LARGE1: variants seen among roughly 807,000 people sequenced by gnomAD.
The protein encoded by LARGE1 is LARGE xylosyl- and glucuronyltransferase 1.
Under a neutral mutation model 87.6 loss-of-function variants are expected in LARGE1, and 43 were observed. The observed-to-expected ratio is 0.49, with a 90% CI of 0.38 to 0.63. The LOEUF (loss-of-function observed/expected upper bound fraction) is 0.63, where lower values mean the gene tolerates loss of function less well. Among genes scored for constraint, LARGE1 ranks in the 30% least tolerant of loss-of-function variants. The probability of loss-of-function intolerance (pLI) is 0.00; values close to 1 mark genes in which losing one functional copy is unlikely to be tolerated. For synonymous variants in LARGE1, 434 were observed against 394.6 expected (o/e 1.10, Z -1.18); for missense variants, 802 against 1,000.2 (o/e 0.80, Z 2.67).
At chr22:33,905,807 T>C (rs531761893) in intron 1 of LARGE1, among the ~76,000 whole-genome samples, 1 of 152,174 alleles carries the variant, frequency 6.6e-6, no homozygotes, top group Non-Finnish European at 1.5e-5. Flanking sequence ...TAAGACTAGT[T>C]CTGGCTAAGA....
intron 5 of LARGE1, among the ~76,000 whole-genome samples, chr22:33,595,207 T>C (rs2078945528): frequency 6.6e-6 from 1 of 152,124 alleles, no homozygotes; most frequent in South Asian, 2.1e-4. Context: ...TATATATTTA[T>C]GGGGTACAAG....
At chr22:33,901,349 T>C (rs2065277982) in intron 1 of LARGE1, among the ~76,000 whole-genome samples, 1 of 152,160 alleles carries the variant, frequency 6.6e-6, no homozygotes, top group Non-Finnish European at 1.5e-5. Context: ...ACGTGGTACA[T>C]TGTTACGGCT....
chr22:33,084,222 C>G, the LARGE1 span, among the ~76,000 whole-genome samples: 1 of 152,192 alleles, frequency 6.6e-6, no homozygotes, highest in Non-Finnish European at 1.5e-5. Flanking sequence ...TAGGTACACT[C>G]TCTGATACTT....
the LARGE1 span, among the ~76,000 whole-genome samples, chr22:33,136,114 C>A: frequency 6.6e-6 from 1 of 152,116 alleles, no homozygotes; most frequent in Non-Finnish European, 1.5e-5. Flanking sequence ...GACAATAGGA[C>A]AGAAGGACAG....
intron 7 of LARGE1, among the ~76,000 whole-genome samples, chr22:33,405,316 C>G (rs2066058879): frequency 6.6e-6 from 1 of 152,202 alleles, no homozygotes. Flanking sequence ...CTCCTTCCAG[C>G]CTCCCACCTG....
intron 11 of LARGE1, among the ~76,000 whole-genome samples, chr22:33,256,489 T>A (rs1927275281): frequency 6.6e-6 from 1 of 152,228 alleles, no homozygotes; most frequent in Non-Finnish European, 1.5e-5. Flanking sequence ...AAAATGGGGA[T>A]AATTAATCTC....
At chr22:33,734,095 G>A (rs2083566792) in intron 2 of LARGE1, among the ~76,000 whole-genome samples, 3 of 152,146 alleles carry the variant, frequency 2.0e-5, no homozygotes, top group Admixed American at 2.0e-4. Flanking sequence ...GACATCCTCC[G>A]TGTGTCTCAC....
chr22:33,843,072 A>G (rs1301201904), intron 1 of LARGE1, among the ~76,000 whole-genome samples: 1 of 152,180 alleles, frequency 6.6e-6, no homozygotes, highest in Non-Finnish European at 1.5e-5. Context: ...TTCCTGGAAG[A>G]CATCCTTTTC....
At chr22:33,448,373 C>T (rs1310786582) in intron 6 of LARGE1, among the ~76,000 whole-genome samples, 5 of 152,078 alleles carry the variant, frequency 3.3e-5, no homozygotes, top group East Asian at 3.8e-4. Context: ...ATCAAAACAT[C>T]GGCTTATATA....
chr22:33,203,536 G>C (rs544733874), intron 11 of LARGE1, among the ~76,000 whole-genome samples: 53 of 152,270 alleles, frequency 3.5e-4, no homozygotes, highest in African/African-American at 1.2e-3. Context: ...TGGTGTGAAG[G>C]CTTCCACAGC....
intron 1 of LARGE1, among the ~76,000 whole-genome samples, chr22:33,858,250 A>G (rs2063813405): frequency 6.6e-6 from 1 of 152,206 alleles, no homozygotes; most frequent in African/African-American, 2.4e-5. Flanking sequence ...ATCCTGCTGG[A>G]TCCAGAGGGA....
intron 1 of LARGE1, among the ~76,000 whole-genome samples, chr22:33,873,589 T>A (rs1056093442): frequency 1.1e-4 from 17 of 152,144 alleles, no homozygotes; most frequent in African/African-American, 4.1e-4. Context: ...GAAGATAGCA[T>A]GTCACAACCA....
At chr22:33,818,777 C>A (rs1253496074) in intron 1 of LARGE1, among the ~76,000 whole-genome samples, 1 of 152,036 alleles carries the variant, frequency 6.6e-6, no homozygotes, top group African/African-American at 2.4e-5. Context: ...CTTTAGACAC[C>A]CAAGGACCAG....
chr22:33,397,276 C>T (rs774578042), intron 7 of LARGE1, among the ~76,000 whole-genome samples: 40 of 152,176 alleles, frequency 2.6e-4, no homozygotes, highest in Non-Finnish European at 4.7e-4. Flanking sequence ...CCACTATGCC[C>T]GGCTAATTTT....
intron 10 of LARGE1, chr22:33,322,808 C>G (rs928485271): frequency 6.6e-6 from 1 of 152,254 alleles, no homozygotes; most frequent in Admixed American, 6.5e-5. Context: ...TTGTCATTTA[C>G]CAACCACAGT....
intron 9 of LARGE1, among the ~76,000 whole-genome samples, chr22:33,359,560 CTTTTTTTTTTT>C (rs539990533): frequency 4.2e-5 from 5 of 119,240 alleles, no homozygotes; most frequent in Non-Finnish European, 8.8e-5. Context: ...GCAGACTCAT[CTTTTTTTTTTT>C]TTTTTTTTTT....
At chr22:33,905,728 T>C (rs1391579130) in intron 1 of LARGE1, among the ~76,000 whole-genome samples, 1 of 152,166 alleles carries the variant, frequency 6.6e-6, no homozygotes, top group Non-Finnish European at 1.5e-5. Context: ...GACCTCAACA[T>C]ACCAATTTCA....
chr22:33,744,747 T>TACC (rs2084015650), intron 2 of LARGE1, among the ~76,000 whole-genome samples: 1 of 152,168 alleles, frequency 6.6e-6, no homozygotes, highest in Non-Finnish European at 1.5e-5. Flanking sequence ...GAGGAGGAAC[T>TACC]ACCTACAGCC....
intron 1 of LARGE1, among the ~76,000 whole-genome samples, chr22:33,828,551 T>A (rs997133006): frequency 2.0e-5 from 3 of 152,216 alleles, no homozygotes; most frequent in Non-Finnish European, 2.9e-5. Flanking sequence ...CACAGGCTCT[T>A]CTTTGAAGCC....
Sources: allele counts gnomAD v4.1 joint callset (sites outside exome capture counted in the v4.1 genomes callset), GRCh38; gene constraint gnomAD v4.1.1; transcripts MANE v1.5; gene names NCBI Gene and HGNC (gene_info 2026-07-23, HGNC 2026-07-21).